ATP2B2: variants seen among roughly 807,000 people sequenced by gnomAD.
ATP2B2 encodes ATPase plasma membrane Ca2+ transporting 2.
In ATP2B2, 15 loss-of-function variants were observed where a neutral mutation model predicts 120.0. That is an observed-to-expected ratio of 0.12 (90% CI 0.08 to 0.19). The LOEUF (loss-of-function observed/expected upper bound fraction) is 0.19. ATP2B2 is among the 10% of genes least tolerant of loss of function. ATP2B2 has a pLI of 1.00. For missense variants in ATP2B2, 1,045 were observed against 1,719.8 expected, an observed-to-expected ratio of 0.61 and a Z score of 6.94; for synonymous variants, 694 against 700.3, an observed-to-expected ratio of 0.99 and a Z score of 0.14.
intron 2 of ATP2B2, among the ~76,000 whole-genome samples, chr3:10,420,657 C>T (rs1162735328): frequency 2.6e-5 from 4 of 152,216 alleles, no homozygotes; most frequent in Admixed American, 6.5e-5. Flanking sequence ...CCACCACGCC[C>T]GGCCTGGGCC....
intron 1 of ATP2B2, among the ~76,000 whole-genome samples, chr3:10,651,322 C>T (rs1253819753): frequency 6.6e-6 from 1 of 152,134 alleles, no homozygotes; most frequent in East Asian, 1.9e-4. Context: ...GTGGGAGGGA[C>T]CCAGTGAGAG....
chr3:10,465,043 TG>T (rs996418746), intron 1 of ATP2B2, among the ~76,000 whole-genome samples: 11 of 152,340 alleles, frequency 7.2e-5, no homozygotes, highest in Admixed American at 6.5e-4. Flanking sequence ...TCTCCAATCT[TG>T]GGCTGCTCTG....
chr3:10,336,330 G>C lies in ATP2B2; in HGVS notation c.3420+1846C>G, dbSNP rs1268278068. ...AACGGAGGAGAGAACGAGACAAGTT[G>C]CGAGAAGAACGAGCACAACGGCTAC... On this transcript the variant is annotated intron_variant, in intron 22 of 22. Coordinates refer to ENST00000360273, the MANE Select transcript of ATP2B2 (RefSeq NM_001001331.4). 1.9e-6 allele frequency: 3 copies of C among 1,547,164 alleles called. No homozygotes were observed. The African/African-American group carries it at 4.1e-5, about 21-fold the overall frequency.
chr3:10,513,697 C>G (rs1202970370), intron 3 of ATP2B2, among the ~76,000 whole-genome samples: 1 of 152,142 alleles, frequency 6.6e-6, no homozygotes, highest in Non-Finnish European at 1.5e-5. Context: ...AGGAGAAGAA[C>G]AGCCAGTAGA....
In ATP2B2 at chr3:10,328,108, C is replaced by A. The variant is rs2059890448; in HGVS notation, c.*706G>T. ...TGCCGGCAAAGAAACTTTATATATC[C>A]ATGTATATATATTTATATATATATA... is the stretch of plus-strand genomic sequence containing the variant. On this transcript the variant is annotated 3_prime_UTR_variant, in exon 23 of 23. Transcript: ENST00000360273. 1 of 148,834 alleles carries A rather than the reference C, an allele frequency of 6.7e-6. No individual in the cohort carries two copies. Among genetic ancestry groups the A allele is most frequent in the African/African-American group, 2.5e-5 (1 of 40,670 alleles). The allele number at this position is 148,834 out of a possible 1,614,324, so 9.2% of individuals were successfully genotyped here.
intron 1 of ATP2B2, among the ~76,000 whole-genome samples, chr3:10,637,001 G>A (rs2070039507): frequency 6.6e-6 from 1 of 152,352 alleles, no homozygotes; most frequent in East Asian, 1.9e-4. Context: ...GCTGGAAATA[G>A]TGCCTATTGC....
intron 22 of ATP2B2, among the ~76,000 whole-genome samples, chr3:10,337,738 C>T (rs1262888307): frequency 2.6e-5 from 4 of 152,038 alleles, no homozygotes; most frequent in East Asian, 3.9e-4. Flanking sequence ...CCCGTGGAGG[C>T]GGCGGACCCC....
intron 2 of ATP2B2, among the ~76,000 whole-genome samples, chr3:10,543,109 G>A (rs1214042994): frequency 6.6e-6 from 1 of 152,092 alleles, no homozygotes; most frequent in Non-Finnish European, 1.5e-5. Flanking sequence ...TGTCCCTTCT[G>A]GTCTGCTACT....
At chr3:10,609,195 C>A (rs1158728837) in intron 2 of ATP2B2, among the ~76,000 whole-genome samples, 1 of 151,994 alleles carries the variant, frequency 6.6e-6, no homozygotes, top group East Asian at 1.9e-4. Flanking sequence ...CACTTACCCT[C>A]CTGGGTGTGT....
chr3:10,380,342 G>C (rs1216498659), intron 8 of ATP2B2, among the ~76,000 whole-genome samples: 1 of 152,250 alleles, frequency 6.6e-6, no homozygotes, highest in Non-Finnish European at 1.5e-5. Flanking sequence ...CTGCCAACAG[G>C]CCTCGCCCCC....
intron 1 of ATP2B2, among the ~76,000 whole-genome samples, chr3:10,504,253 G>T (rs2066512104): frequency 6.6e-6 from 1 of 151,946 alleles, no homozygotes; most frequent in African/African-American, 2.4e-5. Context: ...GGCCCCCAAG[G>T]CCTGCGCTCC....
intron 1 of ATP2B2, among the ~76,000 whole-genome samples, chr3:10,451,252 G>A (rs1359035569): frequency 4.6e-5 from 7 of 152,174 alleles, no homozygotes; most frequent in South Asian, 2.1e-4. Flanking sequence ...GTGCTCCCGC[G>A]TTTGTCTCCG....
At chr3:10,706,094 C>T (rs2071891842) in intron 1 of ATP2B2, among the ~76,000 whole-genome samples, 1 of 152,170 alleles carries the variant, frequency 6.6e-6, no homozygotes, top group Admixed American at 6.5e-5. Flanking sequence ...CTGGTAGGAG[C>T]TTGATTTCCG....
At chr3:10,581,856 G>A (rs2068397923) in intron 2 of ATP2B2, among the ~76,000 whole-genome samples, 1 of 152,220 alleles carries the variant, frequency 6.6e-6, no homozygotes, top group African/African-American at 2.4e-5. Flanking sequence ...TATTTGCAAA[G>A]CAGATCGAAC....
chr3:10,532,665 T>C (rs989244799), intron 3 of ATP2B2, among the ~76,000 whole-genome samples: 1 of 152,206 alleles, frequency 6.6e-6, no homozygotes, highest in Non-Finnish European at 1.5e-5. Context: ...AGCAATTATG[T>C]AATGTGTTTG....
Position 10,326,920 on chromosome 3 carries a change from G to A in ATP2B2, c.*1894C>T, listed in dbSNP as rs2059868107. 2 of 398,926 alleles carry A rather than the reference G, an allele frequency of 5.0e-6. No homozygotes were observed. The highest frequency in any genetic ancestry group is 8.8e-6 in the Non-Finnish European group (2 of 226,076). 24.7% of individuals were successfully genotyped at this position (398,926 alleles called of 1,614,324 possible). A position where few individuals can be genotyped will look rare whatever the true frequency, so the allele number is the denominator to read the frequency against. ...CTGGGCCTGGAGAAGGGAAGGGGCT[G>A]GGCTGACACAGCCATCGTGAGGAGG... is the stretch of plus-strand genomic sequence containing the variant. On this transcript the variant is annotated 3_prime_UTR_variant, in exon 23 of 23. Transcript: ENST00000360273.
rs1174220840 is a variant in ATP2B2 at position 10,402,968 on chromosome 3, C to T, written c.398-620G>A. ...TCCAGAACAAAGGCAGCCAATATTA[C>T]ACTTGCTTTAGGGTCTGAAAAGGCA... On this transcript the variant is annotated intron_variant, in intron 3 of 22. Transcript: ENST00000360273. The surrounding 1 kb of genome is among the most constrained non-coding windows in gnomAD (Gnocchi z 4.9). Among the ~76,000 whole-genome samples the T allele has an allele frequency of 3.4e-5, 5 of 148,116 alleles. No homozygotes were observed. The highest frequency in any genetic ancestry group is 2.0e-4 in the Admixed American group (3 of 15,208).
intron 2 of ATP2B2, among the ~76,000 whole-genome samples, chr3:10,582,201 G>C (rs1254988240): frequency 6.6e-6 from 1 of 152,062 alleles, no homozygotes; most frequent in Non-Finnish European, 1.5e-5. Context: ...GTTGTTTCTT[G>C]GGGGGACCGG....
chr3:10,521,715 C>A (rs574606304), intron 3 of ATP2B2, among the ~76,000 whole-genome samples: 3 of 152,216 alleles, frequency 2.0e-5, no homozygotes, highest in Non-Finnish European at 2.9e-5. Context: ...ATTGTGAACT[C>A]CTTAGGGAGT....
Sources: gnomAD v4.1 joint callset for allele counts (sites outside exome capture counted in the v4.1 genomes callset) on GRCh38, gnomAD v4.1.1 for gene constraint, Gnocchi (gnomAD v3.1) non-coding constraint, MANE v1.5 for transcripts, NCBI Gene and HGNC (gene_info 2026-07-23, HGNC 2026-07-21) for gene names.